CALCA: variants seen among roughly 807,000 people sequenced by gnomAD.
The protein encoded by CALCA is calcitonin.
A neutral mutation model predicts 6.9 loss-of-function variants in CALCA; 4 were observed. The ratio of observed to expected loss-of-function variants is 0.58; its 90% CI spans 0.29 to 1.33. The LOEUF (loss-of-function observed/expected upper bound fraction) is 1.33, where lower values mean the gene tolerates loss of function less well. Ranked by LOEUF, CALCA falls within the 40% of genes most tolerant of loss-of-function variation. The pLI is 0.09. For missense variants in CALCA, 174 were observed against 178.3 expected, an observed-to-expected ratio of 0.98 and a Z score of 0.14; for synonymous variants, 78 against 70.0, an observed-to-expected ratio of 1.11 and a Z score of -0.57.
At chr11:14,967,452 G>A (rs5242), downstream of CALCA, among the ~76,000 whole-genome samples, 50,382 of 152,022 alleles carry the variant, frequency 0.33, 8,557 homozygotes, top group Admixed American at 0.43. Context: ...AACAGGATCT[G>A]TATTTCTTGG....
chr11:14,967,264 T>A (rs570039297), downstream of CALCA, among the ~76,000 whole-genome samples: 5 of 152,354 alleles, frequency 3.3e-5, no homozygotes, highest in South Asian at 1.0e-3. Flanking sequence ...TTAAGTAACC[T>A]GTTCATGGTC....
chr11:14,968,145 T>C (rs912780839), downstream of CALCA: 17 of 475,554 alleles, frequency 3.6e-5, 1 homozygote, highest in Non-Finnish European at 6.1e-5. Context: ...ATAAATTAAC[T>C]AAAAATCAAA....
intron 1 of CALCA, among the ~76,000 whole-genome samples, 190 bp from the exon 2 acceptor site, chr11:14,971,391 C>T (rs1434748525): frequency 6.6e-6 from 1 of 152,146 alleles, no homozygotes; most frequent in Non-Finnish European, 1.5e-5. Flanking sequence ...GTTCAGTGGG[C>T]CTGTAGCATG....
At chr11:14,968,453 A>G (rs1332401635), downstream of CALCA, 5 of 1,214,636 alleles carry the variant, frequency 4.1e-6, no homozygotes, top group East Asian at 2.6e-4. Context: ...CTTAGACACT[A>G]TGAAGCCTGG....
In CALCA at chr11:14,968,835, A is replaced by G. The variant is rs1468944605; in HGVS notation, c.390T>C (p.His130=). 1 of 1,614,148 alleles carries G rather than the reference A, an allele frequency of 6.2e-7. No homozygotes were observed. Among genetic ancestry groups the G allele is most frequent in the Non-Finnish European group, 8.5e-7 (1 of 1,180,014 alleles). The change falls in exon 4 of 4, where the codon CAT becomes CAC. Residue 130 remains histidine (H), a synonymous_variant. Coordinates refer to ENST00000331587, the MANE Select transcript of CALCA (RefSeq NM_001741.3). Reference sequence around the variant, plus strand: ...TCTGGGGCATGCTAACATGAGGGCGATGGTCTCTCTCCAAGTCGCTGGACA... The same window carrying G: ...TCTGGGGCATGCTAACATGAGGGCGGTGGTCTCTCTCCAAGTCGCTGGACA... ...RDMSSDLERD[H]RPHVSMPQNA...
At chr11:14,969,831 G>T in intron 3 of CALCA, 104 bp downstream of exon 3, 18 of 1,565,190 alleles carry the variant, frequency 1.2e-5, no homozygotes, top group Non-Finnish European at 1.6e-5. Flanking sequence ...AACACAGCCT[G>T]TTGGATTCCT....
downstream of CALCA, chr11:14,967,893 G>T (rs782390434): frequency 6.2e-7 from 1 of 1,613,590 alleles, no homozygotes; most frequent in Admixed American, 1.7e-5. Flanking sequence ...AGATCTGTGA[G>T]TGAGAGGCTG....
intron 1 of CALCA, among the ~76,000 whole-genome samples, chr11:14,971,497 A>G (rs1429914636): frequency 1.3e-5 from 2 of 152,040 alleles, no homozygotes; most frequent in African/African-American, 4.8e-5. Context: ...ACAGATACAT[A>G]TAAACCTGTT....
downstream of CALCA, chr11:14,966,994 A>T (rs150481800): frequency 6.5e-6 from 1 of 152,870 alleles, no homozygotes; most frequent in African/African-American, 2.4e-5. Context: ...TCAAACAAAG[A>T]AGATAGTTTT....
chr11:14,968,840 C>A lies in CALCA; in HGVS notation c.385G>T (p.Asp129Tyr). The A allele has an allele frequency of 6.2e-7, 1 of 1,614,176 alleles. No homozygotes were observed. The highest frequency in any genetic ancestry group is 1.1e-5 in the South Asian group (1 of 91,076). ...GGCATGCTAACATGAGGGCGATGGT[C>A]TCTCTCCAAGTCGCTGGACATATCC... ...KRDMSSDLERDHRPHVSMPQN... is the reference protein window; with the variant it reads ...KRDMSSDLERYHRPHVSMPQN... Residue 129 changes from aspartate to tyrosine, a missense_variant, in exon 4 of 4, where the codon GAC becomes TAC. Transcript: ENST00000331587.
chr11:14,969,747 G>T (rs1043123939), intron 3 of CALCA, among the ~76,000 whole-genome samples, 188 bp downstream of exon 3: 6 of 152,078 alleles, frequency 3.9e-5, no homozygotes, highest in Non-Finnish European at 8.8e-5. Context: ...GTCTAACCAC[G>T]GTACCTCCAG....
chr11:14,970,211 A>G (rs1555026230), intron 2 of CALCA, 136 bp from the exon 3 acceptor site: 4 of 1,275,934 alleles, frequency 3.1e-6, no homozygotes, highest in African/African-American at 1.5e-5. Context: ...ACAGGGCACA[A>G]GGCCAGTGTC....
intron 2 of CALCA, 130 bp downstream of exon 2, chr11:14,970,977 A>G (rs1373702955): frequency 1.4e-6 from 1 of 710,352 alleles, no homozygotes; most frequent in Non-Finnish European, 2.5e-6. Flanking sequence ...TTTATATCAA[A>G]AAATTATATA....
At chr11:14,969,906 C>A (rs1251208866) in intron 3 of CALCA, 29 bp downstream of exon 3, 1 of 1,612,266 alleles carries the variant, frequency 6.2e-7, no homozygotes, top group Non-Finnish European at 8.5e-7. Flanking sequence ...GGAGAGGAGG[C>A]CCTGTGCTGA....
intron 1 of CALCA, 100 bp from the exon 2 acceptor site, chr11:14,971,301 C>A: frequency 1.2e-6 from 1 of 814,864 alleles, no homozygotes; most frequent in Admixed American, 1.9e-5. Flanking sequence ...GCTTCTAACG[C>A]TCTGGCTTTG....
chr11:14,972,336 G>C lies in CALCA; in HGVS notation c.-101C>G, dbSNP rs1032560640. On this transcript the variant is annotated 5_prime_UTR_variant, in exon 1 of 4. Coordinates refer to ENST00000331587, the MANE Select transcript of CALCA (RefSeq NM_001741.3). Reference sequence around the variant, plus strand: ...TGGAAGCGGCGGCGACACTTGGGCTGGGCAGTGTCTCTGATGCCTCCCAGC... The same window carrying C: ...TGGAAGCGGCGGCGACACTTGGGCTCGGCAGTGTCTCTGATGCCTCCCAGC... 15 of 153,458 alleles carry C rather than the reference G, an allele frequency of 9.8e-5. No homozygotes were observed. Among genetic ancestry groups the C allele is most frequent in the Non-Finnish European group, 1.9e-4 (13 of 68,488 alleles). 9.5% of individuals were successfully genotyped at this position (153,458 alleles called of 1,614,324 possible). A position where few individuals can be genotyped will look rare whatever the true frequency, so the allele number is the denominator to read the frequency against.
rs989077513 is a variant in CALCA at position 14,968,700 on chromosome 11, C to T, written c.*99G>A. On this transcript the variant is annotated 3_prime_UTR_variant, in exon 4 of 4. Transcript: ENST00000331587. ...ACATCCTCTGCCACAAGGAAAGCCA[C>T]CAATACCAGCCCAAAGAGCCACCAG... 5 of 1,611,830 alleles carry T rather than the reference C, an allele frequency of 3.1e-6. No homozygotes were observed. Among genetic ancestry groups the T allele is most frequent in the Non-Finnish European group, 4.2e-6 (5 of 1,179,312 alleles).
chr11:14,967,179 T>C (rs1398207413), downstream of CALCA: 5 of 162,084 alleles, frequency 3.1e-5, no homozygotes, highest in Non-Finnish European at 6.8e-5. Context: ...TCACTTGCTC[T>C]TTATAGTAAT....
At chr11:14,970,266 G>A (rs1428666984) in intron 2 of CALCA, among the ~76,000 whole-genome samples, 191 bp from the exon 3 acceptor site, 1 of 152,264 alleles carries the variant, frequency 6.6e-6, no homozygotes, top group Non-Finnish European at 1.5e-5. Flanking sequence ...ACAGTGGTGT[G>A]CTGGAGCCAG....
Sources: gnomAD v4.1 joint callset for allele counts (sites outside exome capture counted in the v4.1 genomes callset) on GRCh38, gnomAD v4.1.1 for gene constraint, MANE v1.5 for transcripts, NCBI Gene and HGNC (gene_info 2026-07-23, HGNC 2026-07-21) for gene names.